CLNK: variants seen among roughly 807,000 people sequenced by gnomAD.
CLNK encodes cytokine dependent hematopoietic cell linker.
In CLNK, 74 loss-of-function variants were observed where a neutral mutation model predicts 68.6. That is an observed-to-expected ratio of 1.08 (90% CI 0.89 to 1.31). CLNK has a LOEUF of 1.31. CLNK is among the 50% of genes most tolerant of loss of function. The pLI, the probability that CLNK is intolerant of heterozygous loss-of-function variation, is 0.00. For synonymous variants in CLNK, 198 were observed against 172.2 expected, an observed-to-expected ratio of 1.15 and a Z score of -1.17; for missense variants, 553 against 515.3, an observed-to-expected ratio of 1.07 and a Z score of -0.71.
At chr4:10,644,073 T>A (rs568334477) in intron 2 of CLNK, among the ~76,000 whole-genome samples, 4 of 152,230 alleles carry the variant, frequency 2.6e-5, no homozygotes, top group South Asian at 2.1e-4. Flanking sequence ...GGGGAGCCCG[T>A]GGAATGTCAG....
At chr4:10,544,511 A>C (rs1203875739) in intron 8 of CLNK, among the ~76,000 whole-genome samples, 2 of 152,216 alleles carry the variant, frequency 1.3e-5, no homozygotes, top group African/African-American at 4.8e-5. Context: ...CAGAAAATAA[A>C]GCAGATTGGA....
chr4:10,728,254 CTT>C, the CLNK span, among the ~76,000 whole-genome samples: 1 of 152,192 alleles, frequency 6.6e-6, no homozygotes, highest in African/African-American at 2.4e-5. Context: ...CAAAACCTCT[CTT>C]GTCTCCCCAA....
intron 3 of CLNK, among the ~76,000 whole-genome samples, chr4:10,593,589 G>T (rs1721269992): frequency 6.6e-6 from 1 of 152,182 alleles, no homozygotes; most frequent in Non-Finnish European, 1.5e-5. Flanking sequence ...GAGAGGCGGA[G>T]GTTGCAGTGA....
At chr4:10,527,849 G>A (rs891360453) in intron 13 of CLNK, among the ~76,000 whole-genome samples, 2 of 152,156 alleles carry the variant, frequency 1.3e-5, no homozygotes, top group Non-Finnish European at 2.9e-5. Flanking sequence ...GCTAAAGAAA[G>A]ACATCTGGCC....
intron 2 of CLNK, among the ~76,000 whole-genome samples, chr4:10,662,562 GA>G (rs1724235950): frequency 6.6e-6 from 1 of 152,278 alleles, no homozygotes; most frequent in Middle Eastern, 3.4e-3. Context: ...TTTTGACTTT[GA>G]AATTGTGGAG....
chr4:10,726,557 C>T, the CLNK span, among the ~76,000 whole-genome samples: 1 of 151,592 alleles, frequency 6.6e-6, no homozygotes, highest in Non-Finnish European at 1.5e-5. Flanking sequence ...TAAGGTTACA[C>T]TCCTAGGTCC....
intron 12 of CLNK, among the ~76,000 whole-genome samples, 193 bp downstream of exon 12, chr4:10,532,063 G>C (rs1188974381): frequency 6.6e-6 from 1 of 152,160 alleles, no homozygotes; most frequent in African/African-American, 2.4e-5. Flanking sequence ...ACAGGATCTT[G>C]GTTTAAAATC....
chr4:10,656,274 T>C (rs929128052), intron 2 of CLNK, among the ~76,000 whole-genome samples: 4 of 135,464 alleles, frequency 3.0e-5, no homozygotes, highest in South Asian at 4.6e-4. Context: ...ATGAGAAAAG[T>C]GTGCAGAATA....
At position 10,513,481 on chromosome 4, in the gene CLNK, TG is replaced by T; in HGVS notation, c.888del (p.Arg298GlyfsTer27). On this transcript the variant is annotated frameshift_variant, in exon 16 of 19. Transcript: ENST00000226951. LOFTEE classifies it high-confidence loss of function. ...YKYTSWRPPF[P>X]KRSDRKDVQH... ...CTGCTTACCTTTCTATCAGACCTTT[TG>T]GGGAAAGGTGGTCTCCAGCTTGTGT... 1 of 1,611,554 alleles carries T rather than the reference TG, an allele frequency of 6.2e-7. No homozygotes were observed. Among genetic ancestry groups the T allele is most frequent in the Non-Finnish European group, 8.5e-7 (1 of 1,178,864 alleles).
chr4:10,710,199 G>C, the CLNK span, among the ~76,000 whole-genome samples: 1 of 152,170 alleles, frequency 6.6e-6, no homozygotes, highest in Non-Finnish European at 1.5e-5. Flanking sequence ...ACTCAAGCAA[G>C]TGCAGAGATC....
the CLNK span, among the ~76,000 whole-genome samples, chr4:10,732,560 C>T: frequency 3.9e-5 from 6 of 152,138 alleles, no homozygotes; most frequent in African/African-American, 1.2e-4. Context: ...GGGGTTCAAG[C>T]TCTGAATGGG....
At position 10,566,145 on chromosome 4, in the gene CLNK, T is replaced by C; in HGVS notation, c.156A>G (p.Arg52=). The C allele has an allele frequency of 6.2e-7, 1 of 1,613,662 alleles. No individual in the cohort carries two copies. Among genetic ancestry groups the C allele is most frequent in the Non-Finnish European group, 8.5e-7 (1 of 1,179,668 alleles). ...RMNKPLLDWE[R]NFAAVLDGAK... Reference sequence around the variant, plus strand: ...CTCCATCCAGGACTGCAGCAAAGTTTCTTTCCTAAGCAGGTGGTAACATTC... The same window carrying C: ...CTCCATCCAGGACTGCAGCAAAGTTCCTTTCCTAAGCAGGTGGTAACATTC... The change falls in exon 6 of 19, where the codon AGA becomes AGG. Residue 52 remains arginine, a synonymous_variant. Transcript: ENST00000226951.
chr4:10,718,770 T>C, the CLNK span, among the ~76,000 whole-genome samples: 9 of 152,106 alleles, frequency 5.9e-5, no homozygotes, highest in Non-Finnish European at 1.2e-4. Context: ...AAATAGATTT[T>C]TCTTGTTCTC....
intron 4 of CLNK, among the ~76,000 whole-genome samples, chr4:10,579,757 G>T (rs1188652147): frequency 6.6e-6 from 1 of 152,112 alleles, no homozygotes; most frequent in Admixed American, 6.5e-5. Context: ...TCTTGCCCTT[G>T]TCCCCACATG....
intron 2 of CLNK, among the ~76,000 whole-genome samples, chr4:10,655,157 G>GGAAA: frequency 6.6e-6 from 1 of 150,662 alleles, no homozygotes. Context: ...CTGGTCTTTT[G>GGAAA]GAAAGAAAAT....
At chr4:10,568,731 G>T (rs1280554106) in intron 5 of CLNK, among the ~76,000 whole-genome samples, 1 of 152,186 alleles carries the variant, frequency 6.6e-6, no homozygotes, top group Non-Finnish European at 1.5e-5. Context: ...CTGGAAGCAA[G>T]TTCCTCTTCA....
At chr4:10,724,077 G>T in the CLNK span, among the ~76,000 whole-genome samples, 1 of 152,014 alleles carries the variant, frequency 6.6e-6, no homozygotes, top group Non-Finnish European at 1.5e-5. Context: ...CGGGGTTGGG[G>T]GATGCTCTCA....
chr4:10,613,085 A>T (rs910307213), intron 2 of CLNK, among the ~76,000 whole-genome samples: 11 of 152,212 alleles, frequency 7.2e-5, no homozygotes, highest in African/African-American at 2.7e-4. Context: ...AATAAAGAAG[A>T]TGGCTAATTC....
intron 10 of CLNK, among the ~76,000 whole-genome samples, chr4:10,540,911 C>T (rs1023474372): frequency 1.3e-5 from 2 of 151,964 alleles, no homozygotes; most frequent in Non-Finnish European, 2.9e-5. Context: ...TTTAGAACTA[C>T]CCAAATAAAT....
Sources: gnomAD v4.1 joint callset for allele counts (sites outside exome capture counted in the v4.1 genomes callset) on GRCh38, gnomAD v4.1.1 for gene constraint, MANE v1.5 for transcripts, NCBI Gene and HGNC (gene_info 2026-07-23, HGNC 2026-07-21) for gene names.